Variants in LGALS12 observed in about 807,000 individuals in gnomAD.
The protein encoded by LGALS12 is galectin-12.
In LGALS12, 36 loss-of-function variants were observed where a neutral mutation model predicts 36.8. The observed-to-expected ratio is 0.98, with a 90% CI of 0.75 to 1.29. The LOEUF is 1.29. LGALS12 is among the 50% of genes most tolerant of loss of function. The probability of loss-of-function intolerance (pLI) is 0.00; values close to 1 mark genes in which losing one functional copy is unlikely to be tolerated. For synonymous variants in LGALS12, 145 were observed against 155.9 expected (o/e 0.93, Z 0.52); for missense variants, 366 against 394.3 (o/e 0.93, Z 0.61).
Position 63,506,299 on chromosome 11 carries a change from GGCTGCTCCAGACAGCATTAAAAC to G in LGALS12, c.-154_-132del, listed in dbSNP as rs1286610833. On this transcript the variant is annotated 5_prime_UTR_variant, in exon 1 of 9. Transcript: ENST00000394618. Reference sequence around the variant, plus strand: ...TGGAGGTCGCCCGCTGCCCTCCTAGGGCTGCTCCAGACAGCATTAAAACGCTGCAGGTCGCAGGTGAGACTAAC... The same window carrying G: ...TGGAGGTCGCCCGCTGCCCTCCTAGGGCTGCAGGTCGCAGGTGAGACTAAC... 32 of 1,500,776 alleles carry G rather than the reference GGCTGCTCCAGACAGCATTAAAAC, an allele frequency of 2.1e-5. No homozygotes were observed. Among genetic ancestry groups the G allele is most frequent in the Non-Finnish European group, 2.8e-5 (31 of 1,100,216 alleles). The allele number at this position is 1,500,776 out of a possible 1,614,324, so 93.0% of individuals were successfully genotyped here. A position where few individuals can be genotyped will look rare whatever the true frequency, so the allele number is the denominator to read the frequency against.
chr11:63,510,621 A>G, intron 5 of LGALS12, 120 bp downstream of exon 5: 2 of 922,040 alleles, frequency 2.2e-6, no homozygotes, highest in Non-Finnish European at 3.4e-6. Context: ...TGCCACGGAC[A>G]TGGCTGGCTC....
In LGALS12 at chr11:63,508,579, T is replaced by C. The variant is rs893431550; in HGVS notation, c.96T>C (p.Phe32=). 4 of 1,614,046 alleles carry C rather than the reference T, an allele frequency of 2.5e-6. No homozygotes were observed. The African/African-American group carries it at 5.3e-5, about 22-fold the overall frequency. ...HPVVPYVTTI[F]GGLHAGKMVM... ...TGGTTCCTTATGTCACGACGATTTT[T>C]GGAGGCCTGCATGCAGGCAAGATGG... The change falls in exon 2 of 9, where the codon TTT becomes TTC. Residue 32 remains phenylalanine, a synonymous_variant. Transcript: ENST00000394618.
intron 7 of LGALS12, among the ~76,000 whole-genome samples, chr11:63,514,379 G>A (rs151176031): frequency 1.8e-4 from 28 of 152,222 alleles, no homozygotes; most frequent in African/African-American, 6.7e-4. Context: ...AGACCACCCT[G>A]GCCAACATAG....
In LGALS12 at chr11:63,508,411, A is replaced by T. The variant is rs1055827355; in HGVS notation, c.70-142A>T. ...GGTGGAAGAAAATATTTCAGTGAACACTGATTTTTACCTATAAGGAATTTT... is the reference window on the plus strand; with the variant it reads ...GGTGGAAGAAAATATTTCAGTGAACTCTGATTTTTACCTATAAGGAATTTT... On this transcript the variant is annotated intron_variant, in intron 1 of 8. Transcript: ENST00000394618. The T allele has an allele frequency of 9.6e-6, 14 of 1,459,956 alleles. No homozygotes were observed. The Admixed American group carries it at 3.8e-4, about 40-fold the overall frequency. 90.4% of individuals were successfully genotyped at this position (1,459,956 alleles called of 1,614,324 possible). A position where few individuals can be genotyped will look rare whatever the true frequency, so the allele number is the denominator to read the frequency against.
In LGALS12 at chr11:63,510,508, T is replaced by A. The variant is rs749952926; in HGVS notation, c.531+7T>A. On this transcript the variant is annotated splice_region_variant and intron_variant, in intron 5 of 8. Coordinates refer to ENST00000394618, the MANE Select transcript of LGALS12 (RefSeq NM_033101.4). ...AGAGTACCCAGCTGGACATGTGAGT[T>A]TCTTGGCAGCAAGGTCTGAGCAGCC... 6.2e-7 allele frequency: 1 copy of A among 1,613,972 alleles called. No homozygotes were observed. Among genetic ancestry groups the A allele is most frequent in the East Asian group, 2.2e-5 (1 of 44,870 alleles).
chr11:63,508,335 T>A, intron 1 of LGALS12: 1 of 1,409,804 alleles, frequency 7.1e-7, no homozygotes, highest in Non-Finnish European at 9.2e-7. Flanking sequence ...GGAATTTGAC[T>A]TCTCTGGTGT....
At chr11:63,511,259 C>T (rs1453578172) in intron 6 of LGALS12, among the ~76,000 whole-genome samples, 154 bp downstream of exon 6, 1 of 152,166 alleles carries the variant, frequency 6.6e-6, no homozygotes, top group Non-Finnish European at 1.5e-5. Flanking sequence ...CAGCTTATGC[C>T]CCCAGCCGCA....
chr11:63,510,735 C>T (rs542139584), intron 5 of LGALS12, among the ~76,000 whole-genome samples: 10 of 152,314 alleles, frequency 6.6e-5, no homozygotes, highest in African/African-American at 2.4e-4. Context: ...GGGCAAGACC[C>T]CGTATTCCTA....
chr11:63,515,697 C>G lies in LGALS12; in HGVS notation c.782C>G (p.Pro261Arg). Residue 261 changes from proline to arginine, a missense_variant, in exon 8 of 9, where the codon CCC becomes CGC. Transcript: ENST00000394618. The part of the protein sequence containing the change: ...KLISAPFLFY[P>R]QRFFEVLLLF... ...ATCTCAGCCCCCTTCCTCTTTTACCCCCAGAGATTCTTTGAGGTAGGTCAG... is the reference window on the plus strand; with the variant it reads ...ATCTCAGCCCCCTTCCTCTTTTACCGCCAGAGATTCTTTGAGGTAGGTCAG... The G allele has an allele frequency of 1.9e-6, 3 of 1,614,106 alleles. No homozygotes were observed. Among genetic ancestry groups the G allele is most frequent in the Middle Eastern group, 1.7e-4 (1 of 6,058 alleles).
intron 7 of LGALS12, among the ~76,000 whole-genome samples, chr11:63,513,201 C>T (rs746005235): frequency 1.3e-4 from 20 of 152,190 alleles, no homozygotes; most frequent in Admixed American, 2.6e-4. Flanking sequence ...ATGATAATTC[C>T]AACCTGCTAG....
chr11:63,515,846 C>A, intron 8 of LGALS12, 133 bp downstream of exon 8: 5 of 903,600 alleles, frequency 5.5e-6, no homozygotes, highest in Non-Finnish European at 8.3e-6. Flanking sequence ...CAGCAGAGCA[C>A]AGCGAATGTC....
At chr11:63,512,458 T>C (rs1479635771) in intron 7 of LGALS12, among the ~76,000 whole-genome samples, 1 of 152,222 alleles carries the variant, frequency 6.6e-6, no homozygotes, top group Non-Finnish European at 1.5e-5. Context: ...TTAGGACAGA[T>C]ACTTTTCCTC....
At chr11:63,508,170 A>G in intron 1 of LGALS12, 2 of 1,069,432 alleles carry the variant, frequency 1.9e-6, no homozygotes, top group Non-Finnish European at 2.3e-6. Flanking sequence ...CCTAGTCTCC[A>G]GCCACTCAAC....
At chr11:63,507,087 C>A (rs1209787491) in intron 1 of LGALS12, among the ~76,000 whole-genome samples, 1 of 152,180 alleles carries the variant, frequency 6.6e-6, no homozygotes, top group East Asian at 1.9e-4. Context: ...AGAGCTGCAT[C>A]CACTCAGTTA....
intron 6 of LGALS12, 46 bp downstream of exon 6, chr11:63,511,151 T>C: frequency 6.3e-7 from 1 of 1,574,890 alleles, no homozygotes. Context: ...GGGCGCAGCC[T>C]GGGTGAGCAG....
chr11:63,511,944 C>A, intron 7 of LGALS12, 104 bp downstream of exon 7: 4 of 812,454 alleles, frequency 4.9e-6, no homozygotes, highest in Non-Finnish European at 6.3e-6. Flanking sequence ...ACCATTTAAT[C>A]CCCATTTTAC....
intron 6 of LGALS12, 105 bp from the exon 7 acceptor site, chr11:63,511,647 T>C (rs1025216047): frequency 1.3e-6 from 1 of 759,796 alleles, no homozygotes; most frequent in East Asian, 2.5e-5. Flanking sequence ...GCGGCAGGCC[T>C]GGGCAGAACA....
intron 3 of LGALS12, 90 bp from the exon 4 acceptor site, chr11:63,509,688 G>T: frequency 6.9e-7 from 1 of 1,454,094 alleles, no homozygotes. Flanking sequence ...AGGCAAAATT[G>T]AGGAAAAAGT....
intron 6 of LGALS12, 21 bp downstream of exon 6, chr11:63,511,126 C>T: frequency 1.9e-6 from 3 of 1,611,270 alleles, no homozygotes; most frequent in Non-Finnish European, 2.5e-6. Flanking sequence ...CTCCCTCCTG[C>T]TCTGTCAGGG....
Sources: gnomAD v4.1 joint callset for allele counts (sites outside exome capture counted in the v4.1 genomes callset) on GRCh38, gnomAD v4.1.1 for gene constraint, MANE v1.5 for transcripts, NCBI Gene and HGNC (gene_info 2026-07-23, HGNC 2026-07-21) for gene names.